Variants in ACKR3 observed in about 807,000 individuals in gnomAD.
The protein encoded by ACKR3 is atypical chemokine receptor 3.
ACKR3 carries 6 observed loss-of-function variants against 22.4 expected under a neutral mutation model. The ratio of observed to expected loss-of-function variants is 0.27; its 90% CI spans 0.15 to 0.53. The LOEUF (loss-of-function observed/expected upper bound fraction) is 0.53. Ranked by LOEUF, ACKR3 falls within the 20% of genes least tolerant of loss-of-function variation. The pLI, the probability that ACKR3 is intolerant of heterozygous loss-of-function variation, is 0.96. For synonymous variants in ACKR3, 209 were observed against 205.2 expected, an observed-to-expected ratio of 1.02 and a Z score of -0.16; for missense variants, 396 against 475.2, an observed-to-expected ratio of 0.83 and a Z score of 1.55.
the ACKR3 span, among the ~76,000 whole-genome samples, chr2:236,548,049 C>T: frequency 1.3e-5 from 2 of 152,114 alleles, no homozygotes; most frequent in South Asian, 4.1e-4. This position sits in a 1 kb window ranked among gnomAD's most constrained non-coding sequence, Gnocchi z 4.3. Context: ...TCCCACTGGC[C>T]TTTCCTAGTT....
the ACKR3 span, among the ~76,000 whole-genome samples, chr2:236,545,145 G>C: frequency 2.0e-5 from 3 of 152,160 alleles, no homozygotes; most frequent in East Asian, 5.8e-4. The surrounding 1 kb of genome is among the most constrained non-coding windows in gnomAD (Gnocchi z 5.3). Flanking sequence ...GGACACCCCG[G>C]GTCCTTTCTG....
chr2:236,542,452 C>A, the ACKR3 span, among the ~76,000 whole-genome samples: 1 of 152,040 alleles, frequency 6.6e-6, no homozygotes, highest in Non-Finnish European at 1.5e-5. Context: ...CTGAGGCAGT[C>A]ATTTTAGGGA....
chr2:236,574,109 G>A lies in ACKR3; in HGVS notation c.-27+4185G>A, dbSNP rs1366458661. Among the ~76,000 whole-genome samples the A allele has an allele frequency of 6.6e-6, 1 of 152,098 alleles. No individual in the cohort carries two copies. The highest frequency in any genetic ancestry group is 1.5e-5 in the Non-Finnish European group (1 of 68,018). ...CTTCCCAATTAGCCGGCGGGGTCTCGGGGGTTGGGGGGAGATGTTTCTGAT... is the reference window on the plus strand; with the variant it reads ...CTTCCCAATTAGCCGGCGGGGTCTCAGGGGTTGGGGGGAGATGTTTCTGAT... On this transcript the variant is annotated intron_variant, in intron 1 of 1. Transcript: ENST00000272928. This position sits in a 1 kb window ranked among gnomAD's most constrained non-coding sequence, Gnocchi z 5.6.
At position 236,580,813 on chromosome 2, in the gene ACKR3, G is replaced by C. The variant is rs528077974; in HGVS notation, c.348G>C (p.Thr116=). ...ACCAGTGGCCCATGGGCGAGCTCACGTGCAAAGTCACACACCTCATCTTCT... is the reference window on the plus strand; with the variant it reads ...ACCAGTGGCCCATGGGCGAGCTCACCTGCAAAGTCACACACCTCATCTTCT... ...QHNQWPMGEL[T]CKVTHLIFSI... Residue 116 remains threonine (T), a synonymous_variant, in exon 2 of 2, where the codon ACG becomes ACC. Transcript: ENST00000272928. The C allele has an allele frequency of 6.2e-7, 1 of 1,614,084 alleles. No homozygotes were observed. The highest frequency in any genetic ancestry group is 8.5e-7 in the Non-Finnish European group (1 of 1,180,060).
At chr2:236,537,923 C>A in the ACKR3 span, among the ~76,000 whole-genome samples, 1 of 147,570 alleles carries the variant, frequency 6.8e-6, no homozygotes, top group African/African-American at 2.6e-5. Flanking sequence ...ATTAGGCAAT[C>A]AGTTCTGCAG....
Position 236,581,243 on chromosome 2 carries a change from G to T in ACKR3, c.778G>T (p.Val260Phe). ...GAAGATCATCTTCTCCTACGTGGTG[G>T]TCTTCCTTGTCTGCTGGCTGCCCTA... ...SRKIIFSYVV[V>F]FLVCWLPYHV... The change falls in exon 2 of 2, where the codon GTC becomes TTC. Residue 260 changes from valine (V) to phenylalanine (F), a missense_variant. Transcript: ENST00000272928. This position sits in a 1 kb window ranked among gnomAD's most constrained non-coding sequence, Gnocchi z 4.4. 1 of 1,614,070 alleles carries T rather than the reference G, an allele frequency of 6.2e-7. No individual in the cohort carries two copies. Among genetic ancestry groups the T allele is most frequent in the Non-Finnish European group, 8.5e-7 (1 of 1,179,960 alleles).
the ACKR3 span, among the ~76,000 whole-genome samples, chr2:236,541,009 G>A: frequency 6.6e-6 from 1 of 152,166 alleles, no homozygotes; most frequent in Admixed American, 6.5e-5. Context: ...CTCCTTGCTA[G>A]CATCTCTACA....
At chr2:236,579,174 C>T (rs771778158) in intron 1 of ACKR3, among the ~76,000 whole-genome samples, 7 of 152,142 alleles carry the variant, frequency 4.6e-5, no homozygotes, top group East Asian at 1.9e-4. Flanking sequence ...CGTAGCCACC[C>T]GGACCCTGAT....
rs184669830 is a variant in ACKR3, at chr2:236,572,873, G to C, written c.-27+2949G>C. 4.1e-4 allele frequency among the ~76,000 whole-genome samples: 62 copies of C among 152,358 alleles called. 1 individual carries two copies. Among genetic ancestry groups the C allele is most frequent in the African/African-American group, 1.3e-3 (55 of 41,596 alleles). ...TGTGAAGTATGTCTAAGGACCCTGG[G>C]AAGAGGTGGACTGTATCTGAATCAG... On this transcript the variant is annotated intron_variant, in intron 1 of 1. Transcript: ENST00000272928.
intron 1 of ACKR3, among the ~76,000 whole-genome samples, chr2:236,573,410 T>C (rs1406894280): frequency 6.6e-6 from 1 of 152,216 alleles, no homozygotes; most frequent in Non-Finnish European, 1.5e-5. Context: ...ACTCTGTTCT[T>C]AGCCACAAGC....
At chr2:236,546,458 G>A in the ACKR3 span, among the ~76,000 whole-genome samples, 1 of 152,188 alleles carries the variant, frequency 6.6e-6, no homozygotes, top group Admixed American at 6.5e-5. The surrounding 1 kb of genome is among the most constrained non-coding windows in gnomAD (Gnocchi z 4.9). Context: ...AATAAAATTT[G>A]TTGTCAGTTT....
the ACKR3 span, among the ~76,000 whole-genome samples, chr2:236,560,489 T>C: frequency 2.6e-5 from 4 of 152,334 alleles, no homozygotes; most frequent in South Asian, 8.3e-4. Flanking sequence ...TGGAGAAATG[T>C]CTATTCAAGT....
chr2:236,560,746 A>G, the ACKR3 span, among the ~76,000 whole-genome samples: 1 of 152,126 alleles, frequency 6.6e-6, no homozygotes, highest in Non-Finnish European at 1.5e-5. Flanking sequence ...GCCAAAATCA[A>G]TGTCATGAAG....
chr2:236,559,867 C>T, the ACKR3 span, among the ~76,000 whole-genome samples: 6 of 152,162 alleles, frequency 3.9e-5, no homozygotes, highest in African/African-American at 1.4e-4. Context: ...TTTTTGGACT[C>T]TCTATTTTGT....
intron 1 of ACKR3, among the ~76,000 whole-genome samples, chr2:236,579,492 G>T (rs1691477607): frequency 6.6e-6 from 1 of 152,212 alleles, no homozygotes; most frequent in Non-Finnish European, 1.5e-5. Flanking sequence ...GAAGAAATCA[G>T]TGCCAGATAA....
At chr2:236,570,680 A>G (rs1691290637) in intron 1 of ACKR3, among the ~76,000 whole-genome samples, 1 of 152,230 alleles carries the variant, frequency 6.6e-6, no homozygotes, top group African/African-American at 2.4e-5. Flanking sequence ...CTCTTCAGGT[A>G]AAATGTGGAT....
the ACKR3 span, among the ~76,000 whole-genome samples, chr2:236,552,923 G>A: frequency 1.3e-5 from 2 of 152,206 alleles, no homozygotes; most frequent in Admixed American, 6.5e-5. Flanking sequence ...GAAATTTGCA[G>A]AAGTCACACA....
upstream of ACKR3, among the ~76,000 whole-genome samples, chr2:236,569,020 G>A (rs151039588): frequency 0.013 from 1,921 of 152,288 alleles, 44 homozygotes; most frequent in African/African-American, 0.043. Context: ...CACATTTTTA[G>A]GTTGAATTCC....
the ACKR3 span, among the ~76,000 whole-genome samples, chr2:236,548,712 A>G: frequency 6.6e-6 from 1 of 152,238 alleles, no homozygotes; most frequent in Non-Finnish European, 1.5e-5. The surrounding 1 kb of genome is among the most constrained non-coding windows in gnomAD (Gnocchi z 4.3). Context: ...CTCTAATGGC[A>G]GAGACTATGG....
Sources: gnomAD v4.1 joint callset for allele counts (sites outside exome capture counted in the v4.1 genomes callset) on GRCh38, gnomAD v4.1.1 for gene constraint, Gnocchi (gnomAD v3.1) non-coding constraint, MANE v1.5 for transcripts, NCBI Gene and HGNC (gene_info 2026-07-23, HGNC 2026-07-21) for gene names.